SWT1: variants seen among roughly 807,000 people sequenced by gnomAD.
The protein encoded by SWT1 is SWT1 RNA endoribonuclease homolog.
A neutral mutation model predicts 107.3 loss-of-function variants in SWT1; 33 were observed. The ratio of observed to expected loss-of-function variants is 0.31; its 90% CI spans 0.23 to 0.41. SWT1 has a LOEUF of 0.41. SWT1 is among the 10% of genes least tolerant of loss of function. The pLI, the probability that SWT1 is intolerant of heterozygous loss-of-function variation, is 1.00. For missense variants in SWT1, 898 were observed against 1,028.9 expected (o/e 0.87, Z 1.74); for synonymous variants, 345 against 348.3 (o/e 0.99, Z 0.11).
At chr1:185,254,819 T>C (rs1662350387) in intron 16 of SWT1, among the ~76,000 whole-genome samples, 1 of 151,350 alleles carries the variant, frequency 6.6e-6, no homozygotes. Flanking sequence ...TGCCTTCTGC[T>C]AGCTTTTGAA....
In SWT1 at chr1:185,174,554, A is replaced by G. The variant is rs372024150; in HGVS notation, c.407A>G (p.Lys136Arg). The change falls in exon 5 of 19, where the codon AAA becomes AGA. Residue 136 changes from lysine to arginine, a missense_variant. Physicochemically the swap from Lys to Arg is conservative, Grantham distance 26. Around this residue, in one of 6 missense-constraint regions of SWT1, gnomAD observed 382 missense variants for 362.4 expected, o/e 1.05. Coordinates refer to ENST00000367500, the MANE Select transcript of SWT1 (RefSeq NM_017673.7). ...GTAGACTTTAAACCTAAAGATATCA[A>G]ATTGACAAATGCTGGGAGCAAGCTT... ...KCVDFKPKDIKLTNAGSKLDH... is the reference protein window; with the variant it reads ...KCVDFKPKDIRLTNAGSKLDH... The G allele has an allele frequency of 7.6e-5, 122 of 1,607,328 alleles. No homozygotes were observed. The highest frequency in any genetic ancestry group is 1.7e-4 in the Middle Eastern group (1 of 6,034).
At chr1:185,187,555 A>T (rs1297241875) in intron 9 of SWT1, among the ~76,000 whole-genome samples, 1 of 152,162 alleles carries the variant, frequency 6.6e-6, no homozygotes, top group Non-Finnish European at 1.5e-5. Context: ...GATAAACCCT[A>T]CTGTTGAGGA....
At chr1:185,160,808 C>A in intron 1 of SWT1, 25 bp from the exon 2 acceptor site, 2 of 1,539,988 alleles carry the variant, frequency 1.3e-6, no homozygotes, top group South Asian at 1.2e-5. Flanking sequence ...AAAAACAAAT[C>A]CTATATTTTT....
chr1:185,181,697 T>G (rs1571433707), intron 6 of SWT1, among the ~76,000 whole-genome samples: 1 of 152,362 alleles, frequency 6.6e-6, no homozygotes, highest in South Asian at 2.1e-4. Flanking sequence ...TTTTGTGAAT[T>G]AACAAACTGA....
chr1:185,179,935 C>T (rs1655879446), intron 5 of SWT1, among the ~76,000 whole-genome samples: 1 of 152,190 alleles, frequency 6.6e-6, no homozygotes, highest in African/African-American at 2.4e-5. Flanking sequence ...CCTGTAATCC[C>T]AGTACTTCGG....
At chr1:185,188,834 A>G (rs1656710159) in intron 9 of SWT1, among the ~76,000 whole-genome samples, 1 of 152,184 alleles carries the variant, frequency 6.6e-6, no homozygotes, top group African/African-American at 2.4e-5. Flanking sequence ...GGCTTCAAAG[A>G]TTCTTACCCA....
intron 5 of SWT1, chr1:185,176,979 G>A (rs368771694): frequency 2.1e-5 from 17 of 818,680 alleles, no homozygotes; most frequent in African/African-American, 1.9e-4. Context: ...GCAAGACTCC[G>A]TCTTAAAAAA....
At chr1:185,241,696 GATT>G (rs1661264273) in intron 16 of SWT1, among the ~76,000 whole-genome samples, 1 of 152,102 alleles carries the variant, frequency 6.6e-6, no homozygotes, top group Non-Finnish European at 1.5e-5. Context: ...GTCAGTAAGT[GATT>G]ATTTAATGAG....
At chr1:185,162,476 A>G (rs999938024) in intron 2 of SWT1, among the ~76,000 whole-genome samples, 1 of 152,142 alleles carries the variant, frequency 6.6e-6, no homozygotes, top group Non-Finnish European at 1.5e-5. Flanking sequence ...ACTGCTTCTC[A>G]GTGTCCTTTG....
chr1:185,274,165 T>C (rs1664077058), intron 17 of SWT1, among the ~76,000 whole-genome samples: 2 of 151,894 alleles, frequency 1.3e-5, no homozygotes, highest in African/African-American at 4.8e-5. Context: ...CTTCATGATA[T>C]CTTGTGATAT....
At chr1:185,229,497 A>G (rs1007203766) in intron 15 of SWT1, among the ~76,000 whole-genome samples, 2 of 151,936 alleles carry the variant, frequency 1.3e-5, no homozygotes, top group African/African-American at 4.8e-5. Context: ...GTATAAATCT[A>G]TATAAAAATT....
chr1:185,220,382 T>A (rs967418366), intron 14 of SWT1, among the ~76,000 whole-genome samples: 1 of 152,006 alleles, frequency 6.6e-6, no homozygotes, highest in African/African-American at 2.4e-5. Flanking sequence ...AAAATTACCC[T>A]TTTCTCTTTC....
At chr1:185,288,481 C>G (rs549397199) in intron 18 of SWT1, among the ~76,000 whole-genome samples, 2 of 152,078 alleles carry the variant, frequency 1.3e-5, no homozygotes, top group Non-Finnish European at 2.9e-5. Context: ...TGTCACTACT[C>G]CTTGTCCTGT....
intron 15 of SWT1, among the ~76,000 whole-genome samples, chr1:185,225,134 T>G (rs1400960289): frequency 6.6e-6 from 1 of 152,202 alleles, no homozygotes; most frequent in Non-Finnish European, 1.5e-5. Context: ...TGAAGGGATG[T>G]TGAATTTTGT....
chr1:185,167,238 C>T (rs1369984711), intron 3 of SWT1, among the ~76,000 whole-genome samples: 2 of 152,172 alleles, frequency 1.3e-5, no homozygotes, highest in African/African-American at 2.4e-5. Context: ...ATTCAGAAAT[C>T]GAAGTCTAGA....
chr1:185,173,211 A>C (rs938725328), intron 4 of SWT1, among the ~76,000 whole-genome samples: 7 of 152,222 alleles, frequency 4.6e-5, no homozygotes, highest in South Asian at 2.1e-4. Context: ...TGAGCTTTTT[A>C]TCTACTAAGG....
chr1:185,276,890 C>T (rs1427759455), intron 18 of SWT1, among the ~76,000 whole-genome samples: 1 of 151,968 alleles, frequency 6.6e-6, no homozygotes, highest in Non-Finnish European at 1.5e-5. Flanking sequence ...TTTTTGGCCT[C>T]AAGACTTTGT....
chr1:185,180,446 A>G lies in SWT1; in HGVS notation c.1022A>G (p.Gln341Arg). The change falls in exon 6 of 19, where the codon CAA becomes CGA. Residue 341 changes from glutamine to arginine, a missense_variant. By Grantham distance (43) the Gln-to-Arg change is conservative. Around this residue, in one of 6 missense-constraint regions of SWT1, gnomAD observed 94 missense variants for 114.5 expected, o/e 0.82. Transcript: ENST00000367500. ...VSSESIQDAD[Q>R]EMQIVEELHA... ...TCTGAAAGTATCCAGGATGCAGATC[A>G]AGAGGTTATTGATATTCTTGTTTAC... The G allele has an allele frequency of 6.2e-7, 1 of 1,609,404 alleles. No individual in the cohort carries two copies. The highest frequency in any genetic ancestry group is 8.5e-7 in the Non-Finnish European group (1 of 1,175,776).
chr1:185,187,053 CTT>C (rs34634110), intron 9 of SWT1, among the ~76,000 whole-genome samples: 2 of 118,762 alleles, frequency 1.7e-5, no homozygotes, highest in Admixed American at 9.7e-5. Context: ...CCGCGCCCAG[CTT>C]TTTTTTTTTT....
Sources: allele counts gnomAD v4.1 joint callset (sites outside exome capture counted in the v4.1 genomes callset), GRCh38; gene constraint gnomAD v4.1.1; regional missense constraint gnomAD v4.1.1; transcripts MANE v1.5; gene names NCBI Gene and HGNC (gene_info 2026-07-23, HGNC 2026-07-21).